The following IL4 variants were observed in gnomAD, a reference collection of about 807,000 sequenced individuals.
IL4 encodes interleukin-4.
In IL4, 10 loss-of-function variants were observed where a neutral mutation model predicts 17.4. The observed-to-expected ratio is 0.57, with a 90% confidence interval of 0.35 to 0.97. The LOEUF is 0.97. IL4 is among the 50% of genes least tolerant of loss of function. IL4 has a pLI of 0.01. For synonymous variants in IL4, 87 were observed against 79.0 expected (o/e 1.10, Z -0.54); for missense variants, 174 against 187.7 (o/e 0.93, Z 0.43).
intron 2 of IL4, chr5:132,677,936 A>G (rs769894727): frequency 1.3e-5 from 2 of 152,150 alleles, no homozygotes; most frequent in Non-Finnish European, 2.9e-5. Flanking sequence ...TACATTTCCA[A>G]CTAGAATCAG....
In IL4 at chr5:132,682,522, T is replaced by A; in HGVS notation, c.397T>A (p.Leu133Met). ...TGTGAAGGAAGCCAACCAGAGTACG[T>A]TGGAAAACTTCTTGGAAAGGCTAAA... ...CPVKEANQSTLENFLERLKTI... is the reference protein window; with the variant it reads ...CPVKEANQSTMENFLERLKTI... Residue 133 changes from leucine to methionine, a missense_variant, in exon 4 of 4, where the codon TTG (leucine) becomes ATG (methionine). Physicochemically the swap from Leu to Met is conservative, Grantham distance 15. Coordinates refer to ENST00000231449, the MANE Select transcript of IL4 (RefSeq NM_000589.4). 6.2e-7 allele frequency: 1 copy of A among 1,611,728 alleles called. No homozygotes were observed. The highest frequency in any genetic ancestry group is 8.5e-7 in the Non-Finnish European group (1 of 1,177,990).
chr5:132,674,158 A>G lies in IL4; in HGVS notation c.108A>G (p.Lys36=). 6.2e-7 allele frequency: 1 copy of G among 1,614,166 alleles called. No individual in the cohort carries two copies. Among genetic ancestry groups the G allele is most frequent in the African/African-American group, 1.3e-5 (1 of 75,052 alleles). ...ATATCACCTTACAGGAGATCATCAA[A>G]ACTTTGAACAGCCTCACAGAGCAGA... ...KCDITLQEII[K]TLNSLTEQKT... Residue 36 remains lysine (K), a synonymous_variant, in exon 1 of 4, where the codon AAA becomes AAG. Coordinates refer to ENST00000231449, the MANE Select transcript of IL4 (RefSeq NM_000589.4).
chr5:132,680,804 G>A lies in IL4; in HGVS notation c.360+914G>A, dbSNP rs1361713837. ...TGGCGTGGACAGAATGGGAGCAGTT[G>A]AGGTGAACAGATTTGGGATATGACT... On this transcript the variant is annotated intron_variant, in intron 3 of 3. Coordinates refer to ENST00000231449, the MANE Select transcript of IL4 (RefSeq NM_000589.4). The surrounding 1 kb of genome is among the most constrained non-coding windows in gnomAD (Gnocchi z 4.3). 2.6e-5 allele frequency among the ~76,000 whole-genome samples: 4 copies of A among 152,218 alleles called. No homozygotes were observed. Among genetic ancestry groups the A allele is most frequent in the African/African-American group, 9.7e-5 (4 of 41,444 alleles).
Position 132,674,114 on chromosome 5 carries a change from G to A in IL4, c.64G>A (p.Val22Ile). The A allele has an allele frequency of 6.2e-7, 1 of 1,614,084 alleles. No individual in the cohort carries two copies. The change falls in exon 1 of 4, where the codon GTC becomes ATC. Residue 22 changes from valine to isoleucine, a missense_variant. Transcript: ENST00000231449. ...FFLLACAGNF[V>I]HGHKCDITLQ... The stretch of plus-strand genomic sequence containing the variant: ...CCTGCTAGCATGTGCCGGCAACTTT[G>A]TCCACGGACACAAGTGCGATATCAC...
chr5:132,674,636 AC>A, intron 2 of IL4, 130 bp downstream of exon 2: 1 of 703,110 alleles, frequency 1.4e-6, no homozygotes, highest in Non-Finnish European at 2.5e-6. Flanking sequence ...TTTTCAAAGA[AC>A]GAGAAGTCTG....
At chr5:132,678,917 C>G (rs1318004139) in intron 2 of IL4, among the ~76,000 whole-genome samples, 1 of 152,172 alleles carries the variant, frequency 6.6e-6, no homozygotes, top group East Asian at 1.9e-4. Context: ...GGCTAAGGGC[C>G]CCCAGGAAGA....
chr5:132,674,264 C>G lies in IL4; in HGVS notation c.135+79C>G. On this transcript the variant is annotated intron_variant, in intron 1 of 3. Coordinates refer to ENST00000231449, the MANE Select transcript of IL4 (RefSeq NM_000589.4). ...TTTCTAGGCATGAAAACGTTAACAG[C>G]TGCTAGAGAAGTTGGAACTGGTGGT... is the stretch of plus-strand genomic sequence containing the variant. 1.9e-6 allele frequency: 3 copies of G among 1,539,654 alleles called. No homozygotes were observed. In the Admixed American group the frequency reaches 5.1e-5, roughly 26 times the overall value.
chr5:132,675,845 G>C (rs1268106869), intron 2 of IL4, among the ~76,000 whole-genome samples: 1 of 93,508 alleles, frequency 1.1e-5, no homozygotes, highest in Non-Finnish European at 2.5e-5. Context: ...CTGGGCAACA[G>C]TTTATGTGTG....
intron 2 of IL4, among the ~76,000 whole-genome samples, chr5:132,674,952 G>A (rs1427489384): frequency 6.6e-6 from 1 of 152,212 alleles, no homozygotes; most frequent in Non-Finnish European, 1.5e-5. Context: ...CAACAGAAAA[G>A]GTATCGCCAG....
intron 3 of IL4, among the ~76,000 whole-genome samples, chr5:132,682,276 A>T (rs1226444859): frequency 6.6e-6 from 1 of 152,164 alleles, no homozygotes; most frequent in Admixed American, 6.5e-5. Flanking sequence ...AATGGTATAC[A>T]GTAACCATTT....
intron 2 of IL4, among the ~76,000 whole-genome samples, chr5:132,675,167 C>T (rs1366125757): frequency 6.6e-6 from 1 of 152,220 alleles, no homozygotes; most frequent in Non-Finnish European, 1.5e-5. Context: ...TCACCCCCAC[C>T]CCTCTATCTG....
At chr5:132,677,429 G>A (rs892396029) in intron 2 of IL4, among the ~76,000 whole-genome samples, 4 of 152,226 alleles carry the variant, frequency 2.6e-5, no homozygotes, top group African/African-American at 9.6e-5. Flanking sequence ...GCAGGTGGTA[G>A]GAGTCCAGGG....
chr5:132,679,800 G>A lies in IL4; in HGVS notation c.270G>A (p.Leu90=), dbSNP rs922569136. 3 of 1,614,048 alleles carry A rather than the reference G, an allele frequency of 1.9e-6. No individual in the cohort carries two copies. In the African/African-American group the frequency reaches 4.0e-5, roughly 22 times the overall value. ...YSHHEKDTRC[L]GATAQQFHRH... is the part of the protein sequence containing the mutation. ...ACCATGAGAAGGACACTCGCTGCCT[G>A]GGTGCGACTGCACAGCAGTTCCACA... is the stretch of plus-strand genomic sequence containing the variant. Residue 90 remains leucine (L), a synonymous_variant, in exon 3 of 4, where the codon CTG becomes CTA. Transcript: ENST00000231449.
chr5:132,682,646 CTCA>C lies in IL4; in HGVS notation c.*64_*66del, dbSNP rs2149882548. 2 of 823,050 alleles carry C rather than the reference CTCA, an allele frequency of 2.4e-6. No individual in the cohort carries two copies. The highest frequency in any genetic ancestry group is 3.8e-6 in the Non-Finnish European group (2 of 523,018). 51.0% of individuals were successfully genotyped at this position (823,050 alleles called of 1,614,324 possible). A position where few individuals can be genotyped will look rare whatever the true frequency, so the allele number is the denominator to read the frequency against. ...TTTTTAAGTATTTATATATTTATAA[CTCA>C]TCATAAAATAAAGTATATATAGAAT... is the stretch of plus-strand genomic sequence containing the variant. On this transcript the variant is annotated 3_prime_UTR_variant, in exon 4 of 4. Transcript: ENST00000231449.
rs200269241 is a variant in IL4 at position 132,682,665 on chromosome 5, T to C, written c.*78T>C. On this transcript the variant is annotated 3_prime_UTR_variant, in exon 4 of 4. Coordinates refer to ENST00000231449, the MANE Select transcript of IL4 (RefSeq NM_000589.4). ...TTATAACTCATCATAAAATAAAGTATATATAGAATCTAACAGCAATGGCAT... is the reference window on the plus strand; with the variant it reads ...TTATAACTCATCATAAAATAAAGTACATATAGAATCTAACAGCAATGGCAT... The C allele has an allele frequency of 1.5e-6, 1 of 685,742 alleles. No homozygotes were observed. Among genetic ancestry groups the C allele is most frequent in the Non-Finnish European group, 2.4e-6 (1 of 421,112 alleles). 42.5% of individuals were successfully genotyped at this position (685,742 alleles called of 1,614,324 possible).
rs199760133 is a variant in IL4 at position 132,674,471 on chromosome 5, G to A, written c.148G>A (p.Glu50Lys). The A allele has an allele frequency of 2.3e-5, 37 of 1,614,122 alleles. No individual in the cohort carries two copies. Among genetic ancestry groups the A allele is most frequent in the Admixed American group, 3.3e-5 (2 of 60,018 alleles). The change falls in exon 2 of 4, where the codon GAG becomes AAG. Residue 50 changes from glutamate to lysine, a missense_variant. Coordinates refer to ENST00000231449, the MANE Select transcript of IL4 (RefSeq NM_000589.4). ...SLTEQKTLCT[E>K]LTVTDIFAAS... ...TGCCTGGACCAAGACTCTGTGCACCGAGTTGACCGTAACAGACATCTTTGC... is the reference window on the plus strand; with the variant it reads ...TGCCTGGACCAAGACTCTGTGCACCAAGTTGACCGTAACAGACATCTTTGC...
intron 3 of IL4, among the ~76,000 whole-genome samples, chr5:132,681,826 G>A (rs960512356): frequency 2.6e-5 from 4 of 152,076 alleles, no homozygotes; most frequent in Non-Finnish European, 5.9e-5. Context: ...ATAGGTCATG[G>A]GATAGGAACT....
intron 2 of IL4, among the ~76,000 whole-genome samples, chr5:132,678,268 C>A (rs1004437314): frequency 6.6e-6 from 1 of 152,216 alleles, no homozygotes; most frequent in Admixed American, 6.5e-5. Context: ...AGCTCTCAAT[C>A]CCATGTTCTC....
In IL4 at chr5:132,678,487, T is replaced by C. The variant is rs115838174; in HGVS notation, c.184-1227T>C. Among the ~76,000 whole-genome samples the C allele has an allele frequency of 4.4e-3, 671 of 152,346 alleles. 7 individuals carry two copies. The highest frequency in any genetic ancestry group is 0.015 in the African/African-American group (624 of 41,582). On this transcript the variant is annotated intron_variant, in intron 2 of 3. Transcript: ENST00000231449. ...ATATATGTTACCTTTATAGTAAATA[T>C]ATGTTATCTTGATCATCAGAAAAAA... is the stretch of plus-strand genomic sequence containing the variant.
Sources: allele counts gnomAD v4.1 joint callset (sites outside exome capture counted in the v4.1 genomes callset), GRCh38; gene constraint gnomAD v4.1.1; non-coding constraint Gnocchi (gnomAD v3.1); transcripts MANE v1.5; gene names NCBI Gene and HGNC (gene_info 2026-07-23, HGNC 2026-07-21).